PCBP3: variants seen among roughly 807,000 people sequenced by gnomAD.
PCBP3 encodes poly(rC) binding protein 3, also known as poly(rC)-binding protein 3.
Under a neutral mutation model 52.7 loss-of-function variants are expected in PCBP3, and 25 were observed. That is an observed-to-expected ratio of 0.47 (90% CI 0.35 to 0.66). The LOEUF is 0.66. PCBP3 is among the 30% of genes least tolerant of loss of function. The probability of loss-of-function intolerance (pLI) is 0.01; values close to 1 mark genes in which losing one functional copy is unlikely to be tolerated. For synonymous variants in PCBP3, 162 were observed against 183.0 expected (o/e 0.89, Z 0.93); for missense variants, 391 against 490.3 (o/e 0.80, Z 1.91).
At position 45,838,574 on chromosome 21, in the gene PCBP3, T is replaced by C. The variant is rs1038888674; in HGVS notation, c.-125-11387T>C. Among the ~76,000 whole-genome samples, 7 of 152,258 alleles carry C rather than the reference T, an allele frequency of 4.6e-5. No homozygotes were observed. In the South Asian group the frequency reaches 1.4e-3, roughly 32 times the overall value. On this transcript the variant is annotated intron_variant, in intron 4 of 17. Coordinates refer to ENST00000681687, the MANE Select transcript of PCBP3 (RefSeq NM_001384156.1). ...AATTAAGATAAATATTTTTAAATCA[T>C]ATTTAAGATTACATTATTTTAACTT...
intron 2 of PCBP3, among the ~76,000 whole-genome samples, chr21:45,684,996 A>G (rs762109211): frequency 6.6e-5 from 10 of 152,196 alleles, no homozygotes; most frequent in African/African-American, 2.2e-4. Flanking sequence ...ACAGAAAACC[A>G]TCAATGTATA....
chr21:45,801,981 G>A (rs2092321239), intron 4 of PCBP3, among the ~76,000 whole-genome samples: 1 of 152,074 alleles, frequency 6.6e-6, no homozygotes, highest in Non-Finnish European at 1.5e-5. Flanking sequence ...CAGTGGAGCC[G>A]CTCGGTTGTC....
chr21:45,697,371 A>T (rs984940581), intron 2 of PCBP3, among the ~76,000 whole-genome samples: 1 of 152,248 alleles, frequency 6.6e-6, no homozygotes, highest in Admixed American at 6.5e-5. Flanking sequence ...ATGCTCCAGC[A>T]CAAACTTGTG....
At chr21:45,705,917 A>G (rs1234628721) in intron 2 of PCBP3, among the ~76,000 whole-genome samples, 1 of 152,242 alleles carries the variant, frequency 6.6e-6, no homozygotes, top group Non-Finnish European at 1.5e-5. Context: ...AAGGAGGCAC[A>G]GAGCACGTCC....
At position 45,904,781 on chromosome 21, in the gene PCBP3, T is replaced by TC; in HGVS notation, c.339+3669dup. 6.6e-6 allele frequency among the ~76,000 whole-genome samples: 1 copy of TC among 152,208 alleles called. No individual in the cohort carries two copies. Among genetic ancestry groups the TC allele is most frequent in the South Asian group, 2.1e-4 (1 of 4,822 alleles). On this transcript the variant is annotated intron_variant, in intron 9 of 17. Coordinates refer to ENST00000681687, the MANE Select transcript of PCBP3 (RefSeq NM_001384156.1). This position sits in a 1 kb window ranked among gnomAD's most constrained non-coding sequence, Gnocchi z 4.8. ...TGAAGGTGCTCAGAGGGCCCTTGAG[T>TC]CGTCGCTCTGGGGCCGTGTCTCACC...
rs1569164576 is a variant in PCBP3 at position 45,736,233 on chromosome 21, G to C, written c.-162+804G>C. Among the ~76,000 whole-genome samples the C allele has an allele frequency of 6.6e-6, 1 of 152,212 alleles. No individual in the cohort carries two copies. The highest frequency in any genetic ancestry group is 1.5e-5 in the Non-Finnish European group (1 of 68,044). On this transcript the variant is annotated intron_variant, in intron 3 of 17. Transcript: ENST00000681687. This position sits in a 1 kb window ranked among gnomAD's most constrained non-coding sequence, Gnocchi z 4.6. ...CCTCCCAGTGCCCCTTTGAGATAGG[G>C]ATTGTTATTCCCTGAGGCTTGGCGA...
intron 4 of PCBP3, among the ~76,000 whole-genome samples, chr21:45,832,120 C>T (rs951055820): frequency 6.6e-6 from 1 of 152,182 alleles, no homozygotes; most frequent in Non-Finnish European, 1.5e-5. Context: ...GTATACTAAA[C>T]AAAGGGGGGA....
intron 2 of PCBP3, among the ~76,000 whole-genome samples, chr21:45,673,198 T>C (rs962803877): frequency 6.6e-6 from 1 of 152,236 alleles, no homozygotes; most frequent in African/African-American, 2.4e-5. Flanking sequence ...AGAAGAAAAT[T>C]TCTGATTAGA....
intron 4 of PCBP3, among the ~76,000 whole-genome samples, chr21:45,824,064 G>A (rs2093235034): frequency 6.6e-6 from 1 of 152,152 alleles, no homozygotes; most frequent in Non-Finnish European, 1.5e-5. Flanking sequence ...TTAAATAAAT[G>A]CTTCTCAATT....
At chr21:45,743,660 G>T (rs1207392247) in intron 3 of PCBP3, among the ~76,000 whole-genome samples, 1 of 152,174 alleles carries the variant, frequency 6.6e-6, no homozygotes, top group African/African-American at 2.4e-5. Context: ...CTAGCATAAG[G>T]GTTGGAGTTA....
chr21:45,933,294 G>A (rs1040106985), intron 15 of PCBP3, among the ~76,000 whole-genome samples: 5 of 152,108 alleles, frequency 3.3e-5, no homozygotes, highest in African/African-American at 1.2e-4. Context: ...TGAACACCTG[G>A]GCCTTGCCGT....
chr21:45,750,903 T>G (rs1347801665), intron 3 of PCBP3: 1 of 152,016 alleles, frequency 6.6e-6, no homozygotes, highest in African/African-American at 2.4e-5. Context: ...TGTGTATATA[T>G]ATATATGCAC....
At chr21:45,935,921 A>T (rs2076847121) in intron 16 of PCBP3, among the ~76,000 whole-genome samples, 1 of 152,208 alleles carries the variant, frequency 6.6e-6, no homozygotes, top group South Asian at 2.1e-4. Flanking sequence ...TGCTTGACTT[A>T]TCCAGAAACT....
chr21:45,688,248 T>C (rs1048219764), intron 2 of PCBP3, among the ~76,000 whole-genome samples: 1 of 152,166 alleles, frequency 6.6e-6, no homozygotes, highest in Admixed American at 6.5e-5. Context: ...CTGAAACTTA[T>C]AGAATATGCC....
chr21:45,654,575 G>A (rs2079893542), intron 1 of PCBP3, among the ~76,000 whole-genome samples: 2 of 152,188 alleles, frequency 1.3e-5, no homozygotes, highest in Admixed American at 6.5e-5. Flanking sequence ...TCTTGACCTC[G>A]TGATCTGCCC....
rs61152109 is a variant in PCBP3, at chr21:45,880,685, G to A, written c.11-15523G>A. 0.016 allele frequency among the ~76,000 whole-genome samples: 2,451 copies of A among 152,166 alleles called. 82 individuals are homozygous for A. The highest frequency in any genetic ancestry group is 0.056 in the African/African-American group (2,315 of 41,494). On this transcript the variant is annotated intron_variant, in intron 5 of 17. Transcript: ENST00000681687. This position sits in a 1 kb window ranked among gnomAD's most constrained non-coding sequence, Gnocchi z 5.4. ...CCTCTGCCCTCTCGGTGCCAGGGTG[G>A]CCCCAGGTGACTGCAGCAGGGCCAG...
chr21:45,895,682 G>A (rs2095805946), intron 5 of PCBP3, among the ~76,000 whole-genome samples: 1 of 152,242 alleles, frequency 6.6e-6, no homozygotes, highest in South Asian at 2.1e-4. Context: ...CCAGCCGTTT[G>A]GCAGCTTGGT....
intron 4 of PCBP3, among the ~76,000 whole-genome samples, chr21:45,845,651 A>G (rs2093794411): frequency 7.0e-6 from 1 of 143,124 alleles, no homozygotes; most frequent in African/African-American, 2.7e-5. Context: ...CACATGTGTG[A>G]GTGTGTGCCT....
intron 2 of PCBP3, among the ~76,000 whole-genome samples, chr21:45,670,423 A>G (rs113218276): frequency 0.026 from 3,957 of 152,168 alleles, 186 homozygotes; most frequent in African/African-American, 0.09. Context: ...TTCTTCCTCA[A>G]TGGGTCACTA....
Sources: gnomAD v4.1 joint callset for allele counts (sites outside exome capture counted in the v4.1 genomes callset) on GRCh38, gnomAD v4.1.1 for gene constraint, Gnocchi (gnomAD v3.1) non-coding constraint, MANE v1.5 for transcripts, NCBI Gene and HGNC (gene_info 2026-07-23, HGNC 2026-07-21) for gene names.